The following ZNF462 variants were observed in gnomAD, a reference collection of about 807,000 sequenced individuals.
The protein encoded by ZNF462 is zinc finger protein 462.
Under a neutral mutation model 201.9 loss-of-function variants are expected in ZNF462, and 10 were observed. That is an observed-to-expected ratio of 0.05 (90% confidence interval 0.03 to 0.08). The LOEUF (loss-of-function observed/expected upper bound fraction) is 0.08. ZNF462 is among the 10% of genes least tolerant of loss of function. The probability of loss-of-function intolerance (pLI) is 1.00; values close to 1 mark genes in which losing one functional copy is unlikely to be tolerated. For synonymous variants in ZNF462, 1,227 were observed against 1,193.3 expected (o/e 1.03, Z -0.58); for missense variants, 2,523 against 3,168.3 (o/e 0.80, Z 4.89).
At position 106,979,756 on chromosome 9, in the gene ZNF462, G is replaced by C. The variant is rs571772235; in HGVS notation, c.6833-4430G>C. Reference sequence around the variant, plus strand: ...AGCACAATGTTTCATGCTTAGCTTTGCCCATGTATATGTATCTTGCACATC... The same window carrying C: ...AGCACAATGTTTCATGCTTAGCTTTCCCCATGTATATGTATCTTGCACATC... On this transcript the variant is annotated intron_variant, in intron 9 of 12. Transcript: ENST00000277225. Among the ~76,000 whole-genome samples the C allele has an allele frequency of 1.4e-5, 2 of 147,306 alleles. 1 individual carries two copies. The highest frequency in any genetic ancestry group is 5.4e-5 in the African/African-American group (2 of 36,888).
At chr9:106,998,180 C>T (rs1291969680) in intron 10 of ZNF462, among the ~76,000 whole-genome samples, 1 of 152,108 alleles carries the variant, frequency 6.6e-6, no homozygotes, top group African/African-American at 2.4e-5. Context: ...TTGGGTGCCT[C>T]TTTTTGAAGC....
At chr9:106,864,105 T>TCTCTCC (rs1174699544) in intron 1 of ZNF462, among the ~76,000 whole-genome samples, 95 of 107,970 alleles carry the variant, frequency 8.8e-4, no homozygotes, top group Middle Eastern at 9.5e-3. Context: ...TCTCTCTCTC[T>TCTCTCC]CTCTCCCTCT....
At chr9:106,969,986 A>G (rs1305121948) in intron 7 of ZNF462, among the ~76,000 whole-genome samples, 1 of 152,358 alleles carries the variant, frequency 6.6e-6, no homozygotes, top group Middle Eastern at 3.4e-3. Context: ...TGTTTCAAGC[A>G]GAAACTAGAC....
At chr9:107,002,932 A>G (rs1446595877) in intron 10 of ZNF462, among the ~76,000 whole-genome samples, 1 of 152,208 alleles carries the variant, frequency 6.6e-6, no homozygotes, top group Non-Finnish European at 1.5e-5. Context: ...TTGGGTTGTT[A>G]TAAGAGTTAC....
At chr9:106,997,555 T>G (rs913551164) in intron 10 of ZNF462, among the ~76,000 whole-genome samples, 1 of 152,210 alleles carries the variant, frequency 6.6e-6, no homozygotes, top group African/African-American at 2.4e-5. Context: ...ATATCCTTCC[T>G]TGAAGCTTTT....
chr9:106,972,253 T>C lies in ZNF462; in HGVS notation c.6676T>C (p.Ser2226Pro), dbSNP rs1279530919. The change falls in exon 8 of 13, where the codon TCC (serine) becomes CCC (proline). Residue 2226 changes from serine to proline, a missense_variant. Around this residue, in one of 15 missense-constraint regions of ZNF462, gnomAD observed 228 missense variants for 361.2 expected, o/e 0.63. Transcript: ENST00000277225. The surrounding 1 kb of genome is among the most constrained non-coding windows in gnomAD (Gnocchi z 4.8). ...GKKLFKCKDC[S>P]FYTGFKSAFT... ...GAAGCTTTTCAAGTGCAAAGACTGC[T>C]CCTTTTACACAGGCTTTAAGTAAGT... 1 of 1,614,066 alleles carries C rather than the reference T, an allele frequency of 6.2e-7. No homozygotes were observed. Among genetic ancestry groups the C allele is most frequent in the East Asian group, 2.2e-5 (1 of 44,892 alleles).
In ZNF462 at chr9:106,876,997, T is replaced by C. The variant is rs1395537455; in HGVS notation, c.-31+13642T>C. ...TCAATAGTCCACATCTACTTGGTCTTACTAATGTACTATAATATCAGATGC... is the reference window on the plus strand; with the variant it reads ...TCAATAGTCCACATCTACTTGGTCTCACTAATGTACTATAATATCAGATGC... On this transcript the variant is annotated intron_variant, in intron 1 of 12. Coordinates refer to ENST00000277225, the MANE Select transcript of ZNF462 (RefSeq NM_021224.6). This position sits in a 1 kb window ranked among gnomAD's most constrained non-coding sequence, Gnocchi z 4.9. 6.6e-6 allele frequency among the ~76,000 whole-genome samples: 1 copy of C among 152,216 alleles called. No homozygotes were observed. The highest frequency in any genetic ancestry group is 2.4e-5 in the African/African-American group (1 of 41,460).
intron 1 of ZNF462, among the ~76,000 whole-genome samples, chr9:106,907,756 G>A (rs1013625109): frequency 2.6e-5 from 4 of 151,700 alleles, no homozygotes; most frequent in African/African-American, 4.8e-5. Context: ...TCTTTTCTTC[G>A]ACTTTTCTTC....
chr9:106,927,799 C>T lies in ZNF462; in HGVS notation c.3887C>T (p.Thr1296Met), dbSNP rs762708644. Residue 1296 changes from threonine (T) to methionine (M), a missense_variant, in exon 3 of 13, where the codon ACG (threonine) becomes ATG (methionine). Coordinates refer to ENST00000277225, the MANE Select transcript of ZNF462 (RefSeq NM_021224.6). ...CACCCCGCCCTGAAAGCCACAGTCA[C>T]GTCCATCATGCGATGGGCATTTCTA... ...KDHPALKATV[T>M]SIMRWAFLDG... 6.2e-6 allele frequency: 10 copies of T among 1,614,048 alleles called. No individual in the cohort carries two copies. The highest frequency in any genetic ancestry group is 1.6e-4 in the Middle Eastern group (1 of 6,084).
In ZNF462 at chr9:106,917,844, T is replaced by A. The variant is rs1322820454; in HGVS notation, c.-30-5510T>A. 6.7e-6 allele frequency among the ~76,000 whole-genome samples: 1 copy of A among 149,022 alleles called. No homozygotes were observed. The highest frequency in any genetic ancestry group is 1.5e-5 in the Non-Finnish European group (1 of 67,298). ...GGTTTATTTTGCTGGTTTATTATTT[T>A]TTTATATTTATTTATTTATTTATTT... On this transcript the variant is annotated intron_variant, in intron 1 of 12. Coordinates refer to ENST00000277225, the MANE Select transcript of ZNF462 (RefSeq NM_021224.6). The surrounding 1 kb of genome is among the most constrained non-coding windows in gnomAD (Gnocchi z 4.5).
At chr9:106,879,152 C>T (rs983284068) in intron 1 of ZNF462, among the ~76,000 whole-genome samples, 55 of 152,138 alleles carry the variant, frequency 3.6e-4, no homozygotes, top group Middle Eastern at 3.4e-3. Flanking sequence ...TCAGGTCTGC[C>T]GAGCCAGCAG....
chr9:106,901,256 A>G (rs1422671706), intron 1 of ZNF462, among the ~76,000 whole-genome samples: 3 of 152,078 alleles, frequency 2.0e-5, no homozygotes, highest in Non-Finnish European at 4.4e-5. Flanking sequence ...TGGGTTCTCT[A>G]TTCTCTTCCA....
chr9:106,885,655 C>T lies in ZNF462; in HGVS notation c.-31+22300C>T, dbSNP rs1011024947. Reference sequence around the variant, plus strand: ...GTTGCTGAAAAGTGACTCAGATCACCGTGGCAAACAATCCTGTCCAGTTCC... The same window carrying T: ...GTTGCTGAAAAGTGACTCAGATCACTGTGGCAAACAATCCTGTCCAGTTCC... On this transcript the variant is annotated intron_variant, in intron 1 of 12. Coordinates refer to ENST00000277225, the MANE Select transcript of ZNF462 (RefSeq NM_021224.6). This position sits in a 1 kb window ranked among gnomAD's most constrained non-coding sequence, Gnocchi z 4.1. Among the ~76,000 whole-genome samples the T allele has an allele frequency of 6.6e-6, 1 of 152,182 alleles. No individual in the cohort carries two copies. The highest frequency in any genetic ancestry group is 1.5e-5 in the Non-Finnish European group (1 of 68,032).
Position 106,932,116 on chromosome 9 carries a change from AG to A in ZNF462, c.6013-326del, listed in dbSNP as rs1830448941. Reference sequence around the variant, plus strand: ...TGGCAGTTGGGCTTGCTCTCCCTCTAGGGGTAGCTGGAGAGGCAGGGGAGGA... The same window carrying A: ...TGGCAGTTGGGCTTGCTCTCCCTCTAGGGTAGCTGGAGAGGCAGGGGAGGA... On this transcript the variant is annotated intron_variant, in intron 4 of 12. Transcript: ENST00000277225. This position sits in a 1 kb window ranked among gnomAD's most constrained non-coding sequence, Gnocchi z 6.8. The A allele has an allele frequency of 7.9e-7, 1 of 1,267,486 alleles. No individual in the cohort carries two copies. Among genetic ancestry groups the A allele is most frequent in the South Asian group, 1.5e-5 (1 of 66,212 alleles). 78.5% of individuals were successfully genotyped at this position (1,267,486 alleles called of 1,614,324 possible). A position where few individuals can be genotyped will look rare whatever the true frequency, so the allele number is the denominator to read the frequency against.
chr9:106,941,687 G>A (rs1830876486), intron 7 of ZNF462, among the ~76,000 whole-genome samples: 1 of 152,146 alleles, frequency 6.6e-6, no homozygotes, highest in African/African-American at 2.4e-5. Flanking sequence ...ATTAGATGAG[G>A]TAAACAAAAA....
chr9:106,873,686 G>C (rs572897809), intron 1 of ZNF462, among the ~76,000 whole-genome samples: 1 of 152,224 alleles, frequency 6.6e-6, no homozygotes, highest in South Asian at 2.1e-4. Flanking sequence ...TGAGTGCTTT[G>C]GTTTTATTTG....
intron 10 of ZNF462, among the ~76,000 whole-genome samples, chr9:106,990,000 ATT>A (rs1828145683): frequency 6.6e-6 from 1 of 150,954 alleles, no homozygotes; most frequent in African/African-American, 2.4e-5. Context: ...CTCTTGTTTT[ATT>A]TATCTTTTGT....
At chr9:106,988,282 A>G (rs1828002530) in intron 10 of ZNF462, among the ~76,000 whole-genome samples, 1 of 152,144 alleles carries the variant, frequency 6.6e-6, no homozygotes, top group African/African-American at 2.4e-5. Flanking sequence ...AAGGAGGAAG[A>G]CACAAAAGCG....
intron 1 of ZNF462, among the ~76,000 whole-genome samples, chr9:106,916,837 C>G (rs1829793995): frequency 6.6e-6 from 1 of 152,188 alleles, no homozygotes; most frequent in South Asian, 2.1e-4. Flanking sequence ...TTCTAAACCA[C>G]ATCTCAAGAA....
Sources: allele counts gnomAD v4.1 joint callset (sites outside exome capture counted in the v4.1 genomes callset), GRCh38; gene constraint gnomAD v4.1.1; regional missense constraint gnomAD v4.1.1; non-coding constraint Gnocchi (gnomAD v3.1); transcripts MANE v1.5; gene names NCBI Gene and HGNC (gene_info 2026-07-23, HGNC 2026-07-21).